HMMR: variants seen among roughly 807,000 people sequenced by gnomAD.
HMMR encodes intracellular hyaluronic acid-binding protein.
Under a neutral mutation model 101.0 loss-of-function variants are expected in HMMR, and 108 were observed. The observed-to-expected ratio is 1.07, with a 90% CI of 0.92 to 1.25. The LOEUF (loss-of-function observed/expected upper bound fraction) is 1.25, where lower values mean the gene tolerates loss of function less well. Ranked by LOEUF, HMMR falls within the 50% of genes most tolerant of loss-of-function variation. The pLI, the probability that HMMR is intolerant of heterozygous loss-of-function variation, is 0.00. For missense variants in HMMR, 813 were observed against 788.7 expected, an observed-to-expected ratio of 1.03 and a Z score of -0.37; for synonymous variants, 296 against 276.4, an observed-to-expected ratio of 1.07 and a Z score of -0.70.
intron 3 of HMMR, among the ~76,000 whole-genome samples, chr5:163,467,212 G>C (rs539224566): frequency 1.7e-4 from 26 of 152,296 alleles, no homozygotes; most frequent in South Asian, 6.2e-4. Context: ...AAAAGATATA[G>C]TGTGAAAATT....
intron 9 of HMMR, 21 bp from the exon 10 acceptor site, chr5:163,474,036 T>C: frequency 6.3e-7 from 1 of 1,596,352 alleles, no homozygotes; most frequent in Non-Finnish European, 8.6e-7. Context: ...TCCAGTATTC[T>C]TGATGTTTTG....
intron 11 of HMMR, among the ~76,000 whole-genome samples, chr5:163,478,266 G>C (rs1759132962): frequency 6.6e-6 from 1 of 152,126 alleles, no homozygotes; most frequent in South Asian, 2.1e-4. Context: ...ACAAAGTCTT[G>C]TAACTCTGTA....
intron 10 of HMMR, 89 bp from the exon 11 acceptor site, chr5:163,475,369 T>G: frequency 1.6e-6 from 1 of 642,662 alleles, no homozygotes; most frequent in Non-Finnish European, 2.7e-6. Flanking sequence ...TTAGGTTTCA[T>G]CCTTCTTTAT....
chr5:163,464,034 A>G, intron 2 of HMMR, 80 bp downstream of exon 2: 1 of 473,134 alleles, frequency 2.1e-6, no homozygotes, highest in East Asian at 3.6e-5. Context: ...TAAAGATGTT[A>G]TAGCATTTTT....
chr5:163,473,514 A>C lies in HMMR; in HGVS notation c.861A>C (p.Val287=). Residue 287 remains valine (V), a synonymous_variant, in exon 9 of 18, where the codon GTA becomes GTC. Coordinates refer to ENST00000393915, the MANE Select transcript of HMMR (RefSeq NM_001142556.2). The part of the protein sequence containing the change: ...EENIVILSKQ[V]EDLNVKCQLL... The stretch of plus-strand genomic sequence containing the variant: ...ATATTGTTATATTATCTAAACAAGT[A>C]GAAGATCTAAATGTGAAATGTCAGC... The C allele has an allele frequency of 6.3e-7, 1 of 1,588,884 alleles. No individual in the cohort carries two copies. The highest frequency in any genetic ancestry group is 2.2e-5 in the East Asian group (1 of 44,552).
rs563361549 is a variant in HMMR at position 163,464,432 on chromosome 5, A to G, written c.146-291A>G. 2.6e-5 allele frequency among the ~76,000 whole-genome samples: 4 copies of G among 152,290 alleles called. No individual in the cohort carries two copies. The South Asian group carries it at 8.3e-4, about 32-fold the overall frequency. ...GGATTTCGAGACAAGCCTGGCCAAC[A>G]TGGTGAAACCCCATCTCTACTAAAA... On this transcript the variant is annotated intron_variant, in intron 2 of 17. Coordinates refer to ENST00000393915, the MANE Select transcript of HMMR (RefSeq NM_001142556.2).
chr5:163,463,225 C>A (rs1758597012), intron 1 of HMMR, among the ~76,000 whole-genome samples: 1 of 152,176 alleles, frequency 6.6e-6, no homozygotes, highest in African/African-American at 2.4e-5. Context: ...GCCTCACATT[C>A]TTTGTCTATA....
intron 1 of HMMR, 55 bp from the exon 2 acceptor site, chr5:163,463,801 A>G: frequency 1.5e-6 from 1 of 672,584 alleles, no homozygotes; most frequent in Non-Finnish European, 2.3e-6. Context: ...ACATGTTTTA[A>G]CTTAAGATCA....
Position 163,490,513 on chromosome 5 carries a change from A to G in HMMR, c.2086A>G (p.Ser696Gly). ...TCCTTCAAAGGCTTTTCATCATGAA[A>G]GTAAAGAAAATTTTGCCCTGAAGAC... Reference protein sequence around the residue: ...FDPSKAFHHESKENFALKTPL... With the variant: ...FDPSKAFHHEGKENFALKTPL... The change falls in exon 17 of 18, where the codon AGT becomes GGT. Residue 696 changes from serine to glycine, a missense_variant. Ser to Gly is a moderately conservative substitution (Grantham distance 56, BLOSUM62 0). Transcript: ENST00000393915. The G allele has an allele frequency of 6.2e-7, 1 of 1,603,754 alleles. No individual in the cohort carries two copies. Among genetic ancestry groups the G allele is most frequent in the Non-Finnish European group, 8.5e-7 (1 of 1,177,086 alleles).
chr5:163,469,840 C>A lies in HMMR; in HGVS notation c.462+11C>A, dbSNP rs1244546374. The A allele has an allele frequency of 1.3e-6, 2 of 1,539,338 alleles. No homozygotes were observed. The highest frequency in any genetic ancestry group is 1.8e-5 in the Admixed American group (1 of 54,654). The stretch of plus-strand genomic sequence containing the variant: ...CTACTAAAATCTAAGGTATCTGAGC[C>A]TCATGATAATATTTACAATTGAATA... On this transcript the variant is annotated intron_variant, in intron 5 of 17. Coordinates refer to ENST00000393915, the MANE Select transcript of HMMR (RefSeq NM_001142556.2).
intron 11 of HMMR, among the ~76,000 whole-genome samples, chr5:163,476,316 CA>C (rs1759068024): frequency 6.6e-6 from 1 of 152,006 alleles, no homozygotes; most frequent in South Asian, 2.1e-4. Context: ...GACTCTGTCT[CA>C]AAAACAAACA....
chr5:163,464,626 CAA>C, intron 2 of HMMR, 95 bp from the exon 3 acceptor site: 2 of 838,472 alleles, frequency 2.4e-6, no homozygotes, highest in South Asian at 2.9e-5. Context: ...CAAAAACAAA[CAA>C]AAAGAGAAAG....
chr5:163,485,305 C>G (rs745681213), intron 16 of HMMR, among the ~76,000 whole-genome samples: 1 of 152,074 alleles, frequency 6.6e-6, no homozygotes, highest in Non-Finnish European at 1.5e-5. Flanking sequence ...AGGCGGTGTA[C>G]GAGGGTTCCA....
chr5:163,485,798 T>C (rs1007030674), intron 16 of HMMR, among the ~76,000 whole-genome samples: 1 of 152,228 alleles, frequency 6.6e-6, no homozygotes, highest in African/African-American at 2.4e-5. Context: ...ATTTAGATTA[T>C]TGATTGATTT....
chr5:163,479,064 C>T (rs1354384979), intron 12 of HMMR, among the ~76,000 whole-genome samples: 1 of 152,208 alleles, frequency 6.6e-6, no homozygotes, highest in Non-Finnish European at 1.5e-5. Flanking sequence ...CAGCATATGC[C>T]TGTAGTCCTA....
intron 16 of HMMR, among the ~76,000 whole-genome samples, chr5:163,488,788 C>G (rs1759573685): frequency 1.3e-5 from 2 of 152,234 alleles, no homozygotes; most frequent in Non-Finnish European, 2.9e-5. Context: ...CAAATTCTGG[C>G]TCCTTTGTAG....
At chr5:163,490,149 A>G (rs1759637700) in intron 16 of HMMR, among the ~76,000 whole-genome samples, 1 of 152,306 alleles carries the variant, frequency 6.6e-6, no homozygotes, top group South Asian at 2.1e-4. Flanking sequence ...TTGAACTTTT[A>G]TCAGAAAAAT....
At chr5:163,482,621 C>CT (rs758084614) in intron 12 of HMMR, 21 bp from the exon 13 acceptor site, 33 of 1,563,302 alleles carry the variant, frequency 2.1e-5, no homozygotes, top group African/African-American at 4.1e-5. Context: ...ACTACTTTGA[C>CT]TTTTTTTTCT....
intron 12 of HMMR, among the ~76,000 whole-genome samples, chr5:163,479,627 C>T (rs1429689908): frequency 2.0e-5 from 3 of 152,144 alleles, no homozygotes; most frequent in African/African-American, 4.8e-5. Context: ...CACACCACTG[C>T]GCTCCAGCCT....
Sources: allele counts gnomAD v4.1 joint callset (sites outside exome capture counted in the v4.1 genomes callset), GRCh38; gene constraint gnomAD v4.1.1; transcripts MANE v1.5; gene names NCBI Gene and HGNC (gene_info 2026-07-23, HGNC 2026-07-21).